The following SYT9 variants were observed in gnomAD, a reference collection of about 807,000 sequenced individuals.
SYT9 encodes the protein synaptotagmin-9.
A neutral mutation model predicts 48.4 loss-of-function variants in SYT9; 22 were observed. The ratio of observed to expected loss-of-function variants is 0.45; its 90% CI spans 0.32 to 0.65. SYT9 has a LOEUF of 0.65. Ranked by LOEUF, SYT9 falls within the 30% of genes least tolerant of loss-of-function variation. SYT9 has a pLI of 0.03. For synonymous variants in SYT9, 265 were observed against 245.0 expected (o/e 1.08, Z -0.76); for missense variants, 577 against 622.0 (o/e 0.93, Z 0.77).
intron 3 of SYT9, among the ~76,000 whole-genome samples, chr11:7,368,706 A>G (rs1316818528): frequency 6.6e-6 from 1 of 152,012 alleles, no homozygotes; most frequent in Non-Finnish European, 1.5e-5. Context: ...CATCTTTTTT[A>G]TGGCTGTGTA....
At chr11:7,464,651 G>A (rs750099734) in intron 6 of SYT9, among the ~76,000 whole-genome samples, 1 of 152,202 alleles carries the variant, frequency 6.6e-6, no homozygotes, top group Non-Finnish European at 1.5e-5. Flanking sequence ...ATTCATTGGT[G>A]ACACTGAGCC....
At chr11:7,276,327 C>A (rs1444110989) in intron 1 of SYT9, among the ~76,000 whole-genome samples, 1 of 152,154 alleles carries the variant, frequency 6.6e-6, no homozygotes, top group African/African-American at 2.4e-5. Context: ...CTTATTGCAC[C>A]TCTTAATGTG....
chr11:7,409,422 C>T (rs11041357), intron 3 of SYT9, among the ~76,000 whole-genome samples: 35,418 of 151,922 alleles, frequency 0.23, 6,973 homozygotes, highest in African/African-American at 0.54. Flanking sequence ...CTTTCGTTTT[C>T]TGAAATGGTT....
chr11:7,272,015 A>G (rs891990997), intron 1 of SYT9, among the ~76,000 whole-genome samples: 1 of 152,218 alleles, frequency 6.6e-6, no homozygotes, highest in South Asian at 2.1e-4. Context: ...CTTTTGTTCT[A>G]CATTTAAATA....
At chr11:7,295,896 C>T (rs952517919) in intron 1 of SYT9, among the ~76,000 whole-genome samples, 1 of 152,132 alleles carries the variant, frequency 6.6e-6, no homozygotes, top group African/African-American at 2.4e-5. Context: ...TAATTCAATA[C>T]TTAGCAAATA....
At chr11:7,412,945 C>G (rs762215481) in intron 3 of SYT9, among the ~76,000 whole-genome samples, 3 of 152,128 alleles carry the variant, frequency 2.0e-5, no homozygotes, top group Non-Finnish European at 4.4e-5. Flanking sequence ...TTTCCAAGCC[C>G]CTGGATGGCA....
At chr11:7,337,974 A>G (rs900252900) in intron 3 of SYT9, among the ~76,000 whole-genome samples, 1 of 152,116 alleles carries the variant, frequency 6.6e-6, no homozygotes, top group Non-Finnish European at 1.5e-5. Context: ...GAATTCGGCT[A>G]TGAATCTCTC....
At chr11:7,253,682 A>G (rs1232903870) in intron 1 of SYT9, among the ~76,000 whole-genome samples, 2 of 152,184 alleles carry the variant, frequency 1.3e-5, no homozygotes, top group Non-Finnish European at 2.9e-5. Flanking sequence ...CAAAGTGGAT[A>G]ATTGGGTAGA....
intron 3 of SYT9, among the ~76,000 whole-genome samples, chr11:7,404,928 C>T (rs907373714): frequency 2.0e-5 from 3 of 152,082 alleles, no homozygotes; most frequent in Non-Finnish European, 4.4e-5. Flanking sequence ...GAATTCACAT[C>T]AGCTTGCTAT....
chr11:7,342,788 C>T (rs1185928216), intron 3 of SYT9, among the ~76,000 whole-genome samples: 1 of 152,228 alleles, frequency 6.6e-6, no homozygotes, highest in Non-Finnish European at 1.5e-5. Flanking sequence ...ACTGCCCTAG[C>T]AGAGGTTCTC....
intron 3 of SYT9, among the ~76,000 whole-genome samples, chr11:7,329,461 G>A (rs1367552003): frequency 6.6e-6 from 1 of 151,938 alleles, no homozygotes; most frequent in East Asian, 1.9e-4. Context: ...TGCTCATATA[G>A]TATTTTCAGT....
At chr11:7,259,055 C>A (rs1290671571) in intron 1 of SYT9, among the ~76,000 whole-genome samples, 1 of 152,036 alleles carries the variant, frequency 6.6e-6, no homozygotes, top group East Asian at 1.9e-4. Flanking sequence ...GGGAATATTG[C>A]ATGGCACATA....
At chr11:7,427,940 A>G (rs1351797992) in intron 6 of SYT9, 1 of 152,192 alleles carries the variant, frequency 6.6e-6, no homozygotes, top group African/African-American at 2.4e-5. Flanking sequence ...CACTGTTAGT[A>G]TTAGTGGGGC....
At chr11:7,261,321 A>G (rs1848075021) in intron 1 of SYT9, among the ~76,000 whole-genome samples, 1 of 152,186 alleles carries the variant, frequency 6.6e-6, no homozygotes, top group African/African-American at 2.4e-5. Flanking sequence ...TCCCTTAATT[A>G]GGTATTCTGG....
At chr11:7,454,332 C>T in intron 6 of SYT9, 3 of 982,402 alleles carry the variant, frequency 3.1e-6, no homozygotes, top group African/African-American at 1.7e-5. Context: ...ACCATTTCCG[C>T]TCTCTGCTGC....
chr11:7,381,381 C>T (rs1438917361), intron 3 of SYT9, among the ~76,000 whole-genome samples: 2 of 152,130 alleles, frequency 1.3e-5, no homozygotes, highest in Non-Finnish European at 2.9e-5. Context: ...ATGAGATGAG[C>T]ACTGAGCTTA....
intron 1 of SYT9, among the ~76,000 whole-genome samples, chr11:7,260,120 C>T (rs991264169): frequency 2.6e-5 from 4 of 152,060 alleles, no homozygotes; most frequent in African/African-American, 9.7e-5. Flanking sequence ...ATTGAGGGCC[C>T]CTTAAGTGCT....
chr11:7,258,257 G>A (rs1475243267), intron 1 of SYT9, among the ~76,000 whole-genome samples: 1 of 152,150 alleles, frequency 6.6e-6, no homozygotes, highest in Non-Finnish European at 1.5e-5. Flanking sequence ...GCATAAATGG[G>A]GGAGCAATCT....
At chr11:7,372,556 G>C (rs1230739272) in intron 3 of SYT9, among the ~76,000 whole-genome samples, 2 of 152,068 alleles carry the variant, frequency 1.3e-5, no homozygotes, top group African/African-American at 4.8e-5. Context: ...TTTGTAGAGG[G>C]GGGAATCTCT....
Sources: allele counts gnomAD v4.1 joint callset (sites outside exome capture counted in the v4.1 genomes callset), GRCh38; gene constraint gnomAD v4.1.1; transcripts MANE v1.5; gene names NCBI Gene and HGNC (gene_info 2026-07-23, HGNC 2026-07-21).